OSBPL7: variants seen among roughly 807,000 people sequenced by gnomAD.
OSBPL7 encodes the protein oxysterol-binding protein-related protein 7.
OSBPL7 carries 66 observed loss-of-function variants against 115.8 expected under a neutral mutation model. That is an observed-to-expected ratio of 0.57 (90% CI 0.47 to 0.70). The LOEUF is 0.70. Ranked by LOEUF, OSBPL7 falls within the 30% of genes least tolerant of loss-of-function variation. The pLI is 0.00. For missense variants in OSBPL7, 902 were observed against 1,125.5 expected (o/e 0.80, Z 2.84); for synonymous variants, 441 against 439.2 (o/e 1.00, Z -0.05).
rs1390690424 is a variant in OSBPL7, at chr17:47,820,298, C to G, written c.-20G>C. 6.2e-7 allele frequency: 1 copy of G among 1,610,938 alleles called. No individual in the cohort carries two copies. ...GTCCATGGAGAAGGGAGAGGCCACT[C>G]CCTGCTGGGGATGTAGAGCAGGGAG... On this transcript the variant is annotated 5_prime_UTR_variant, in exon 2 of 23. Coordinates refer to ENST00000007414, the MANE Select transcript of OSBPL7 (RefSeq NM_145798.3).
In OSBPL7 at chr17:47,818,605, C is replaced by T. The variant is rs897156686; in HGVS notation, c.381G>A (p.Gln127=). 5 of 1,612,554 alleles carry T rather than the reference C, an allele frequency of 3.1e-6. No individual in the cohort carries two copies. The African/African-American group carries it at 6.7e-5, about 22-fold the overall frequency. ...GCGCCACCCAGCTCTGGAATAGGTCCTGGGATTTGATCTGCAGAAGTGATG... is the reference window on the plus strand; with the variant it reads ...GCGCCACCCAGCTCTGGAATAGGTCTTGGGATTTGATCTGCAGAAGTGATG... The part of the protein sequence containing the change: ...DNIYHLKIKS[Q]DLFQSWVAQL... Residue 127 remains glutamine, a synonymous_variant, in exon 6 of 23, where the codon CAG becomes CAA. Transcript: ENST00000007414.
At chr17:47,810,477 GCAGCTT>G in intron 18 of OSBPL7, 111 bp downstream of exon 18, 1 of 814,818 alleles carries the variant, frequency 1.2e-6, no homozygotes, top group Non-Finnish European at 2.0e-6. Context: ...GCCACTGCAA[GCAGCTT>G]CAGGCCAGAC....
chr17:47,818,303 C>T lies in OSBPL7; in HGVS notation c.564G>A (p.Leu188=), dbSNP rs758432214. 4 of 1,614,152 alleles carry T rather than the reference C, an allele frequency of 2.5e-6. No homozygotes were observed. In the Admixed American group the frequency reaches 6.7e-5, roughly 27 times the overall value. Residue 188 remains leucine (L), a synonymous_variant, in exon 7 of 23, where the codon CTG becomes CTA. Transcript: ENST00000007414. ...LGPREKVSSW[L]RDSDGLDRCS... ...AGCGGTCCAGCCCATCACTGTCCCT[C>T]AGCCAGGAAGACACTTTCTCCCGCG...
In OSBPL7 at chr17:47,816,095, C is replaced by T. The variant is rs1211627097; in HGVS notation, c.1119+12G>A. On this transcript the variant is annotated intron_variant, in intron 12 of 22. Coordinates refer to ENST00000007414, the MANE Select transcript of OSBPL7 (RefSeq NM_145798.3). The surrounding 1 kb of genome is among the most constrained non-coding windows in gnomAD (Gnocchi z 5.8). ...GGAGAATCGGCCCCCACAGCCCACC[C>T]TGGCTCCTCACCTCCTCAGGGTTGA... The T allele has an allele frequency of 1.2e-5, 19 of 1,546,916 alleles. No homozygotes were observed. The highest frequency in any genetic ancestry group is 8.7e-7 in the Non-Finnish European group (1 of 1,144,240).
At chr17:47,813,465 G>A in intron 15 of OSBPL7, 62 bp from the exon 16 acceptor site, 1 of 1,607,366 alleles carries the variant, frequency 6.2e-7, no homozygotes, top group Non-Finnish European at 8.5e-7. Context: ...AGCAAGCAAA[G>A]TATGGGATCT....
rs1479440522 is a variant in OSBPL7 at position 47,816,312 on chromosome 17, C to CT, written c.1023+75dup. The CT allele has an allele frequency of 6.1e-5, 90 of 1,485,872 alleles. No individual in the cohort carries two copies. Among genetic ancestry groups the CT allele is most frequent in the Non-Finnish European group, 7.9e-5 (88 of 1,108,900 alleles). 92.0% of individuals were successfully genotyped at this position (1,485,872 alleles called of 1,614,324 possible). On this transcript the variant is annotated intron_variant, in intron 11 of 22. Transcript: ENST00000007414. The surrounding 1 kb of genome is among the most constrained non-coding windows in gnomAD (Gnocchi z 5.8). ...AACCCCCCACCCTGACCCAGATCTG[C>CT]TATCGGACCCCAGGCTGGCAGTCCT... is the stretch of plus-strand genomic sequence containing the variant.
rs776795614 is a variant in OSBPL7, at chr17:47,818,281, G to A, written c.586C>T (p.Arg196Cys). Reference sequence around the variant, plus strand: ...TAGGGCCCCTCACCATGAGAGCAGCGGTCCAGCCCATCACTGTCCCTCAGC... The same window carrying A: ...TAGGGCCCCTCACCATGAGAGCAGCAGTCCAGCCCATCACTGTCCCTCAGC... ...SWLRDSDGLD[R>C]CSHELSECQG... Residue 196 changes from arginine (R) to cysteine (C), a missense_variant, in exon 7 of 23, where the codon CGC becomes TGC. Around this residue, in one of 3 missense-constraint regions of OSBPL7, gnomAD observed 667 missense variants for 788.7 expected, o/e 0.85. Transcript: ENST00000007414. 12 of 1,613,540 alleles carry A rather than the reference G, an allele frequency of 7.4e-6. No homozygotes were observed. Among genetic ancestry groups the A allele is most frequent in the South Asian group, 1.1e-5 (1 of 91,026 alleles).
chr17:47,816,722 G>A lies in OSBPL7; in HGVS notation c.796-27C>T. On this transcript the variant is annotated intron_variant, in intron 9 of 22. Transcript: ENST00000007414. This position sits in a 1 kb window ranked among gnomAD's most constrained non-coding sequence, Gnocchi z 5.8. ...TGTAGGTGAAGGGGAAGGGCTGAAG[G>A]GGCCGGCCTCCTTAGAGCATCCTGC... 6.2e-7 allele frequency: 1 copy of A among 1,614,008 alleles called. No homozygotes were observed. The highest frequency in any genetic ancestry group is 8.5e-7 in the Non-Finnish European group (1 of 1,179,938).
chr17:47,812,496 C>T (rs1316162492), intron 16 of OSBPL7, among the ~76,000 whole-genome samples: 1 of 141,490 alleles, frequency 7.1e-6, no homozygotes, highest in African/African-American at 2.4e-5. Context: ...TGTGTTCCCA[C>T]ACACATTGTC....
chr17:47,811,623 GACCCAGGC>G (rs1353110032), intron 16 of OSBPL7, among the ~76,000 whole-genome samples: 1 of 152,152 alleles, frequency 6.6e-6, no homozygotes, highest in African/African-American at 2.4e-5. Flanking sequence ...CTCCTCTGAG[GACCCAGGC>G]ACAAGCCAGG....
At position 47,816,031 on chromosome 17, in the gene OSBPL7, C is replaced by A; in HGVS notation, c.1119+76G>T. 1 of 1,349,380 alleles carries A rather than the reference C, an allele frequency of 7.4e-7. No individual in the cohort carries two copies. Among genetic ancestry groups the A allele is most frequent in the South Asian group, 1.5e-5 (1 of 67,980 alleles). The allele number at this position is 1,349,380 out of a possible 1,614,324, so 83.6% of individuals were successfully genotyped here. A position where few individuals can be genotyped will look rare whatever the true frequency, so the allele number is the denominator to read the frequency against. ...TGGGACTAAAAACCAACTTTGCCCA[C>A]TGCCCTGGGCCTTGGCTTTCGCTGG... On this transcript the variant is annotated intron_variant, in intron 12 of 22. Transcript: ENST00000007414. This position sits in a 1 kb window ranked among gnomAD's most constrained non-coding sequence, Gnocchi z 5.8.
intron 13 of OSBPL7, 179 bp downstream of exon 13, chr17:47,815,036 T>C: frequency 1.3e-6 from 1 of 788,064 alleles, no homozygotes; most frequent in Non-Finnish European, 2.0e-6. Flanking sequence ...AGGAGAAGAG[T>C]CCCTAGCAGA....
At chr17:47,821,245 G>A (rs1462890652) in intron 1 of OSBPL7, among the ~76,000 whole-genome samples, 1 of 152,136 alleles carries the variant, frequency 6.6e-6, no homozygotes, top group African/African-American at 2.4e-5. Flanking sequence ...GGACTGGAGG[G>A]GCGAGGCTGG....
chr17:47,817,327 G>C lies in OSBPL7; in HGVS notation c.631C>G (p.Leu211Val), dbSNP rs2033255664. The C allele has an allele frequency of 6.2e-7, 1 of 1,604,898 alleles. No homozygotes were observed. The highest frequency in any genetic ancestry group is 8.5e-7 in the Non-Finnish European group (1 of 1,177,726). The change falls in exon 8 of 23, where the codon CTA (leucine) becomes GTA (valine). Residue 211 changes from leucine to valine, a missense_variant. This residue lies in a region of OSBPL7 where 667 missense variants were observed against 788.7 expected (regional missense o/e 0.85). Coordinates refer to ENST00000007414, the MANE Select transcript of OSBPL7 (RefSeq NM_145798.3). Reference protein sequence around the residue: ...LSECQGKLQELHRLLQSLESL... With the variant: ...LSECQGKLQEVHRLLQSLESL... ...TCCAGGCTCTGGAGGAGCCTGTGTA[G>C]TTCCTGGAGCTTCCCCTGACACTCA...
intron 16 of OSBPL7, among the ~76,000 whole-genome samples, chr17:47,812,655 G>C (rs986543139): frequency 4.6e-5 from 7 of 152,162 alleles, no homozygotes; most frequent in Admixed American, 2.6e-4. Flanking sequence ...CACATAAACA[G>C]CTCTTGAACC....
intron 3 of OSBPL7, 70 bp downstream of exon 3, chr17:47,819,901 G>A: frequency 6.2e-7 from 1 of 1,602,960 alleles, no homozygotes; most frequent in Non-Finnish European, 8.5e-7. Context: ...CCATTGGACT[G>A]CCCAGCAGCT....
intron 19 of OSBPL7, 29 bp downstream of exon 19, chr17:47,809,305 G>C: frequency 6.2e-7 from 1 of 1,611,576 alleles, no homozygotes; most frequent in Non-Finnish European, 8.5e-7. Flanking sequence ...GCCGGGGATG[G>C]ATGGGCAGGG....
rs1485738632 is a variant in OSBPL7 at position 47,816,657 on chromosome 17, G to A, written c.834C>T (p.Arg278=). 1 of 1,614,112 alleles carries A rather than the reference G, an allele frequency of 6.2e-7. No individual in the cohort carries two copies. The highest frequency in any genetic ancestry group is 8.5e-7 in the Non-Finnish European group (1 of 1,180,040). ...RLHGSVPNLS[R]YLESRDSSGT... is the part of the protein sequence containing the mutation. ...CCGAGGAGTCCCGAGACTCCAGGTA[G>A]CGAGACAGGTTGGGAACAGAGCCAT... is the stretch of plus-strand genomic sequence containing the variant. Residue 278 remains arginine, a synonymous_variant, in exon 10 of 23, where the codon CGC becomes CGT. Coordinates refer to ENST00000007414, the MANE Select transcript of OSBPL7 (RefSeq NM_145798.3). This position sits in a 1 kb window ranked among gnomAD's most constrained non-coding sequence, Gnocchi z 5.8.
At position 47,820,201 on chromosome 17, in the gene OSBPL7, G is replaced by A. The variant is rs1290037675; in HGVS notation, c.75+3C>T. 6.2e-7 allele frequency: 1 copy of A among 1,613,904 alleles called. No individual in the cohort carries two copies. The highest frequency in any genetic ancestry group is 1.7e-5 in the Admixed American group (1 of 59,994). Reference sequence around the variant, plus strand: ...ACCCACCACCGCTTTCCCACTCTCTGACCTGCTGAGCACTGCTGGGCTTTG... The same window carrying A: ...ACCCACCACCGCTTTCCCACTCTCTAACCTGCTGAGCACTGCTGGGCTTTG... On this transcript the variant is annotated splice_donor_region_variant and intron_variant, in intron 2 of 22. Coordinates refer to ENST00000007414, the MANE Select transcript of OSBPL7 (RefSeq NM_145798.3).
Sources: gnomAD v4.1 joint callset for allele counts (sites outside exome capture counted in the v4.1 genomes callset) on GRCh38, gnomAD v4.1.1 for gene constraint, gnomAD v4.1.1 regional missense constraint, Gnocchi (gnomAD v3.1) non-coding constraint, MANE v1.5 for transcripts, NCBI Gene and HGNC (gene_info 2026-07-23, HGNC 2026-07-21) for gene names.